The following PARP4 variants were observed in gnomAD, a reference collection of about 807,000 sequenced individuals.
PARP4 encodes the protein protein mono-ADP-ribosyltransferase PARP4.
Under a neutral mutation model 187.7 loss-of-function variants are expected in PARP4, and 120 were observed. That is an observed-to-expected ratio of 0.64 (90% CI 0.55 to 0.74). The LOEUF (loss-of-function observed/expected upper bound fraction) is 0.74, where lower values mean the gene tolerates loss of function less well. PARP4 is among the 30% of genes least tolerant of loss of function. The pLI is 0.00. For synonymous variants in PARP4, 654 were observed against 740.9 expected (o/e 0.88, Z 1.90); for missense variants, 1,836 against 2,070.5 (o/e 0.89, Z 2.20).
At chr13:24,436,352 G>A (rs1870637514) in intron 30 of PARP4, among the ~76,000 whole-genome samples, 1 of 152,204 alleles carries the variant, frequency 6.6e-6, no homozygotes, top group Non-Finnish European at 1.5e-5. Flanking sequence ...GCCTGGGGCT[G>A]GAGTGCAATG....
In PARP4 at chr13:24,435,363, C is replaced by A. The variant is rs767009960; in HGVS notation, c.3778G>T (p.Asp1260Tyr). ...MELSQPEVSE[D>Y]FEEDGLGVLP... ...ACACCTAAGCCATCCTCTTCAAAAT[C>A]TTCAGAAACTTCTGGCTGAGATAAT... The change falls in exon 31 of 34, where the codon GAT (aspartate) becomes TAT (tyrosine). Residue 1260 changes from aspartate (D) to tyrosine (Y), a missense_variant. By Grantham distance (160) the Asp-to-Tyr change is radical (BLOSUM62 -3). Around this residue, in one of 8 missense-constraint regions of PARP4, gnomAD observed 450 missense variants for 439.2 expected, o/e 1.02. Coordinates refer to ENST00000381989, the MANE Select transcript of PARP4 (RefSeq NM_006437.4). 91 of 1,612,428 alleles carry A rather than the reference C, an allele frequency of 5.6e-5. No individual in the cohort carries two copies. The highest frequency in any genetic ancestry group is 5.8e-5 in the Non-Finnish European group (69 of 1,179,920).
intron 10 of PARP4, among the ~76,000 whole-genome samples, chr13:24,488,936 A>G (rs1868470553): frequency 6.6e-6 from 1 of 152,178 alleles, no homozygotes; most frequent in South Asian, 2.1e-4. Context: ...ACTCAGCGTA[A>G]TATTTTTGAG....
At chr13:24,490,928 T>G (rs1408570035) in intron 9 of PARP4, 100 bp from the exon 10 acceptor site, 1 of 1,104,014 alleles carries the variant, frequency 9.1e-7, no homozygotes, top group Non-Finnish European at 1.3e-6. Flanking sequence ...AAAAGTCCAT[T>G]TTCCCCCAAA....
intron 33 of PARP4, among the ~76,000 whole-genome samples, chr13:24,423,480 G>A (rs1161897229): frequency 2.0e-5 from 3 of 151,582 alleles, no homozygotes; most frequent in East Asian, 2.0e-4. Flanking sequence ...GCAGTGAGCC[G>A]AGATCGTGCC....
chr13:24,480,563 C>T lies in PARP4; in HGVS notation c.1449-2287G>A, dbSNP rs183256951. Among the ~76,000 whole-genome samples the T allele has an allele frequency of 1.1e-3, 170 of 152,314 alleles. 4 individuals are homozygous for T. The East Asian group carries it at 0.024, about 21-fold the overall frequency. ...TTTTTGAAGGAAATTAAAAGTGCTGCTCCAGTGAACATAGGAATGATAACA... is the reference window on the plus strand; with the variant it reads ...TTTTTGAAGGAAATTAAAAGTGCTGTTCCAGTGAACATAGGAATGATAACA... On this transcript the variant is annotated intron_variant, in intron 12 of 33. Coordinates refer to ENST00000381989, the MANE Select transcript of PARP4 (RefSeq NM_006437.4).
At chr13:24,504,678 T>C (rs1211955363) in intron 1 of PARP4, among the ~76,000 whole-genome samples, 5 of 151,840 alleles carry the variant, frequency 3.3e-5, no homozygotes, top group Middle Eastern at 3.4e-3. Context: ...TGGTGAAAAA[T>C]TGTGTTTAAT....
chr13:24,465,691 T>C (rs1426996850), intron 17 of PARP4, among the ~76,000 whole-genome samples: 1 of 152,044 alleles, frequency 6.6e-6, no homozygotes, highest in Non-Finnish European at 1.5e-5. Flanking sequence ...GGGTGATGGG[T>C]TGATAGGTGC....
intron 4 of PARP4, among the ~76,000 whole-genome samples, chr13:24,499,963 T>C (rs1296951804): frequency 6.6e-6 from 1 of 152,132 alleles, no homozygotes; most frequent in Non-Finnish European, 1.5e-5. Context: ...ATTTCCATTT[T>C]TGAAAACATC....
In PARP4 at chr13:24,503,519, T is replaced by G. The variant is rs370205169; in HGVS notation, c.132+126A>C. The G allele has an allele frequency of 8.5e-5, 99 of 1,158,546 alleles. No individual in the cohort carries two copies. The East Asian group carries it at 2.1e-3, about 24-fold the overall frequency. The allele number at this position is 1,158,546 out of a possible 1,614,324, so 71.8% of individuals were successfully genotyped here. A position where few individuals can be genotyped will look rare whatever the true frequency, so the allele number is the denominator to read the frequency against. ...CCCAATGGGCCATGTCAGTCTCTCC[T>G]GATGAACTTCGAGTAGCTCACTCAC... On this transcript the variant is annotated intron_variant, in intron 2 of 33. Transcript: ENST00000381989.
intron 8 of PARP4, 125 bp downstream of exon 8, chr13:24,493,471 G>T (rs1868777678): frequency 2.3e-6 from 2 of 888,816 alleles, no homozygotes; most frequent in Non-Finnish European, 3.3e-6. Flanking sequence ...CCGGTACAAG[G>T]AAAGAACATT....
At chr13:24,453,706 A>G (rs373224517) in intron 22 of PARP4, 52 bp from the exon 23 acceptor site, 1 of 954,166 alleles carries the variant, frequency 1.0e-6, no homozygotes, top group African/African-American at 1.6e-5. Context: ...CACTTGCTTG[A>G]GCACTAACAA....
chr13:24,505,304 T>C (rs1869568441), intron 1 of PARP4, among the ~76,000 whole-genome samples: 1 of 152,036 alleles, frequency 6.6e-6, no homozygotes, highest in South Asian at 2.1e-4. Flanking sequence ...AGGGTACTTA[T>C]AGGTATGGGC....
chr13:24,471,722 G>A (rs1872735471), intron 15 of PARP4, among the ~76,000 whole-genome samples: 1 of 152,192 alleles, frequency 6.6e-6, no homozygotes, highest in Non-Finnish European at 1.5e-5. Context: ...CCAGGGAACA[G>A]GCCTCTTCGG....
At chr13:24,497,008 G>C (rs1868994448) in intron 6 of PARP4, among the ~76,000 whole-genome samples, 1 of 152,142 alleles carries the variant, frequency 6.6e-6, no homozygotes, top group Non-Finnish European at 1.5e-5. Flanking sequence ...GGGCAACAGA[G>C]TGAGACTCTG....
chr13:24,498,381 C>T, intron 5 of PARP4, 152 bp from the exon 6 acceptor site: 1 of 580,864 alleles, frequency 1.7e-6, no homozygotes, highest in Non-Finnish European at 3.1e-6. Flanking sequence ...ATTAAAATCT[C>T]CTAAAATCCC....
rs1010193942 is a variant in PARP4 at position 24,453,162 on chromosome 13, C to G, written c.2826+425G>C. ...TGTTGGCCAGGTTGGTCTCGAATTC[C>G]TGACCTCAGGTGATCCACCCGCCCT... is the stretch of plus-strand genomic sequence containing the variant. On this transcript the variant is annotated intron_variant, in intron 23 of 33. Coordinates refer to ENST00000381989, the MANE Select transcript of PARP4 (RefSeq NM_006437.4). Among the ~76,000 whole-genome samples the G allele has an allele frequency of 2.0e-5, 3 of 152,204 alleles. No homozygotes were observed. The East Asian group carries it at 5.8e-4, about 29-fold the overall frequency.
rs1868856808 is a variant in PARP4, at chr13:24,494,855, T to G, written c.592-133A>C. 8 of 586,244 alleles carry G rather than the reference T, an allele frequency of 1.4e-5. No homozygotes were observed. The South Asian group carries it at 2.1e-4, about 15-fold the overall frequency. 36.3% of individuals were successfully genotyped at this position (586,244 alleles called of 1,614,324 possible). A position where few individuals can be genotyped will look rare whatever the true frequency, so the allele number is the denominator to read the frequency against. ...TTTTTTTCAAAGAATTACTTAAATT[T>G]TAAATTCTTTTTCTTTTCTTTTTCT... On this transcript the variant is annotated intron_variant, in intron 6 of 33. Coordinates refer to ENST00000381989, the MANE Select transcript of PARP4 (RefSeq NM_006437.4).
intron 32 of PARP4, 44 bp downstream of exon 32, chr13:24,431,333 T>C (rs1267086065): frequency 3.8e-6 from 4 of 1,042,448 alleles, no homozygotes; most frequent in African/African-American, 3.3e-5. Context: ...TGCTTATTAA[T>C]GAATGAAAAT....
At chr13:24,491,396 G>A (rs1373846448) in intron 9 of PARP4, among the ~76,000 whole-genome samples, 1 of 152,186 alleles carries the variant, frequency 6.6e-6, no homozygotes, top group Non-Finnish European at 1.5e-5. Flanking sequence ...TGGGCTTACA[G>A]GCGTGAGCCA....
Sources: gnomAD v4.1 joint callset for allele counts (sites outside exome capture counted in the v4.1 genomes callset) on GRCh38, gnomAD v4.1.1 for gene constraint, gnomAD v4.1.1 regional missense constraint, MANE v1.5 for transcripts, NCBI Gene and HGNC (gene_info 2026-07-23, HGNC 2026-07-21) for gene names.